The following PMS1 variants were observed in gnomAD, a reference collection of about 807,000 sequenced individuals.
The protein encoded by PMS1 is PMS1 protein homolog 1.
Under a neutral mutation model 93.1 loss-of-function variants are expected in PMS1, and 79 were observed. That is an observed-to-expected ratio of 0.85 (90% CI 0.71 to 1.02). The LOEUF (loss-of-function observed/expected upper bound fraction) is 1.02, where lower values mean the gene tolerates loss of function less well. Among genes scored for constraint, PMS1 ranks in the 50% least tolerant of loss-of-function variants. PMS1 has a pLI of 0.00. For missense variants in PMS1, 1,064 were observed against 1,085.3 expected (o/e 0.98, Z 0.28); for synonymous variants, 335 against 363.4 (o/e 0.92, Z 0.89).
chr2:189,836,941 G>A (rs1233248), intron 5 of PMS1, among the ~76,000 whole-genome samples: 2,682 of 152,182 alleles, frequency 0.018, 73 homozygotes, highest in African/African-American at 0.061. Flanking sequence ...GCATTAATCA[G>A]CAGCTAAGAT....
At chr2:189,815,014 G>T (rs1175193875) in intron 4 of PMS1, among the ~76,000 whole-genome samples, 3 of 151,522 alleles carry the variant, frequency 2.0e-5, no homozygotes, top group African/African-American at 7.3e-5. Flanking sequence ...CAGGAGAATG[G>T]CATGAACCTA....
rs2048206500 is a variant in PMS1, at chr2:189,785,368, A to AC, written c.-21+776dup. 3 of 152,244 alleles carry AC rather than the reference A, an allele frequency of 2.0e-5. No homozygotes were observed. In the South Asian group the frequency reaches 6.2e-4, roughly 32 times the overall value. 9.4% of individuals were successfully genotyped at this position (152,244 alleles called of 1,614,324 possible). On this transcript the variant is annotated intron_variant, in intron 1 of 12. Coordinates refer to ENST00000441310, the MANE Select transcript of PMS1 (RefSeq NM_000534.5). The stretch of plus-strand genomic sequence containing the variant: ...TAGGCACACCTGTTGTCCTTAACTG[A>AC]CTTTCCGGGTCATCAGCACTTCTTC...
chr2:189,817,945 A>G (rs1411531126), intron 4 of PMS1, 72 bp from the exon 5 acceptor site: 1 of 1,181,652 alleles, frequency 8.5e-7, no homozygotes, highest in African/African-American at 1.5e-5. Flanking sequence ...TTAATTACAA[A>G]TTGTATACGG....
At chr2:189,848,687 T>TTTTTA (rs1312413542) in intron 6 of PMS1, among the ~76,000 whole-genome samples, 1 of 152,170 alleles carries the variant, frequency 6.6e-6, no homozygotes, top group Non-Finnish European at 1.5e-5. Context: ...TCCAGTTCCA[T>TTTTTA]GGGCTGTCAG....
At chr2:189,822,382 T>A (rs1352304095) in intron 5 of PMS1, among the ~76,000 whole-genome samples, 2 of 152,216 alleles carry the variant, frequency 1.3e-5, no homozygotes, top group African/African-American at 4.8e-5. Context: ...TCTCCAGCCA[T>A]TTCCCCAACA....
intron 5 of PMS1, among the ~76,000 whole-genome samples, chr2:189,838,894 C>T (rs1248646919): frequency 6.6e-6 from 1 of 152,184 alleles, no homozygotes; most frequent in Non-Finnish European, 1.5e-5. Flanking sequence ...ACATAGTCCT[C>T]AGGTCACCTA....
At chr2:189,842,975 T>TATAC (rs1202384042) in intron 5 of PMS1, among the ~76,000 whole-genome samples, 3 of 137,234 alleles carry the variant, frequency 2.2e-5, no homozygotes, top group Admixed American at 2.1e-4. Context: ...TATATATATA[T>TATAC]ATACACACAC....
At chr2:189,825,723 AG>A (rs1385094125) in intron 5 of PMS1, among the ~76,000 whole-genome samples, 1 of 152,238 alleles carries the variant, frequency 6.6e-6, no homozygotes, top group Non-Finnish European at 1.5e-5. Flanking sequence ...CATTGATAAA[AG>A]AAGGTTTTAA....
chr2:189,819,556 CT>C (rs2051641611), intron 5 of PMS1, among the ~76,000 whole-genome samples: 1 of 152,082 alleles, frequency 6.6e-6, no homozygotes, highest in African/African-American at 2.4e-5. Context: ...ATTTTTCATC[CT>C]TTTAATCATA....
rs188122842 is a variant in PMS1, at chr2:189,818,948, A to C, written c.582+768A>C. On this transcript the variant is annotated intron_variant, in intron 5 of 12. Coordinates refer to ENST00000441310, the MANE Select transcript of PMS1 (RefSeq NM_000534.5). ...GAGGATACAAGTGTAATTTTGTTAC[A>C]TGGATATGTTGTGTAGTGGCGAAGT... 3.6e-4 allele frequency among the ~76,000 whole-genome samples: 55 copies of C among 152,336 alleles called. 1 individual carries two copies. Among genetic ancestry groups the C allele is most frequent in the African/African-American group, 1.1e-3 (45 of 41,582 alleles).
chr2:189,864,729 T>C (rs1192616064), intron 10 of PMS1, among the ~76,000 whole-genome samples: 1 of 91,828 alleles, frequency 1.1e-5, no homozygotes, highest in South Asian at 4.0e-4. Context: ...TATATATATA[T>C]ATATATGATT....
chr2:189,870,579 C>G (rs1466099277), intron 11 of PMS1, among the ~76,000 whole-genome samples: 4 of 152,148 alleles, frequency 2.6e-5, no homozygotes, highest in Non-Finnish European at 4.4e-5. Flanking sequence ...AAATATTGCT[C>G]AATTTCCTTA....
At chr2:189,814,968 A>G (rs1233272) in intron 4 of PMS1, among the ~76,000 whole-genome samples, 51,923 of 151,688 alleles carry the variant, frequency 0.34, 9,932 homozygotes, top group African/African-American at 0.52. Context: ...GCGGGCTGGC[A>G]GGTTCCTGTA....
chr2:189,867,241 C>G (rs5743169), intron 10 of PMS1, among the ~76,000 whole-genome samples: 8,147 of 152,168 alleles, frequency 0.054, 375 homozygotes, highest in African/African-American at 0.12. Context: ...TGATTTGTAC[C>G]CTAGGTGATC....
At chr2:189,873,696 T>TC (rs1336674173) in intron 12 of PMS1, 40 bp downstream of exon 12, 1 of 1,477,442 alleles carries the variant, frequency 6.8e-7, no homozygotes, top group South Asian at 1.2e-5. Context: ...TATACAGGGG[T>TC]CCCAACTCCC....
chr2:189,864,053 G>A lies in PMS1; in HGVS notation c.2167G>A (p.Glu723Lys), dbSNP rs61736573. Residue 723 changes from glutamate to lysine, a missense_variant, in exon 10 of 13, where the codon GAA becomes AAA. Coordinates refer to ENST00000441310, the MANE Select transcript of PMS1 (RefSeq NM_000534.5). ...QNKVDLEEKDEPCLIHNLRFP... is the reference protein window; with the variant it reads ...QNKVDLEEKDKPCLIHNLRFP... ...CAAAGTTGACTTAGAAGAGAAGGATGAACCTTGCTTGATCCACAATCTCAG... is the reference window on the plus strand; with the variant it reads ...CAAAGTTGACTTAGAAGAGAAGGATAAACCTTGCTTGATCCACAATCTCAG... 1.1e-4 allele frequency: 180 copies of A among 1,612,678 alleles called. No individual in the cohort carries two copies. In the African/African-American group the frequency reaches 2.3e-3, roughly 20 times the overall value.
chr2:189,863,923 T>C lies in PMS1; in HGVS notation c.2037T>C (p.Asp679=). 4 of 1,613,096 alleles carry C rather than the reference T, an allele frequency of 2.5e-6. No individual in the cohort carries two copies. Among genetic ancestry groups the C allele is most frequent in the Non-Finnish European group, 3.4e-6 (4 of 1,179,168 alleles). Residue 679 remains aspartate (D), a synonymous_variant, in exon 10 of 13, where the codon GAT becomes GAC. Transcript: ENST00000441310. ...KTSLSNQPKL[D]ELLQSQIEKR... ...CATTATCTAATCAACCAAAACTTGATGAACTCCTTCAGTCCCAAATTGAAA... is the reference window on the plus strand; with the variant it reads ...CATTATCTAATCAACCAAAACTTGACGAACTCCTTCAGTCCCAAATTGAAA...
intron 5 of PMS1, among the ~76,000 whole-genome samples, chr2:189,822,015 C>T (rs1233280): frequency 0.019 from 2,961 of 152,170 alleles, 89 homozygotes; most frequent in African/African-American, 0.067. Flanking sequence ...GGAAAGCAGG[C>T]GCCCCGCCAC....
intron 5 of PMS1, among the ~76,000 whole-genome samples, chr2:189,819,556 C>G (rs191757358): frequency 2.6e-5 from 4 of 152,200 alleles, no homozygotes; most frequent in Admixed American, 2.6e-4. Context: ...ATTTTTCATC[C>G]TTTTAATCAT....
Sources: gnomAD v4.1 joint callset for allele counts (sites outside exome capture counted in the v4.1 genomes callset) on GRCh38, gnomAD v4.1.1 for gene constraint, MANE v1.5 for transcripts, NCBI Gene and HGNC (gene_info 2026-07-23, HGNC 2026-07-21) for gene names.